Variants in ACACA observed in about 807,000 individuals in gnomAD.
ACACA encodes acetyl-CoA carboxylase alpha.
Under a neutral mutation model 296.1 loss-of-function variants are expected in ACACA, and 103 were observed. That is an observed-to-expected ratio of 0.35 (90% confidence interval 0.30 to 0.41). The LOEUF (loss-of-function observed/expected upper bound fraction) is 0.41. Ranked by LOEUF, ACACA falls within the 10% of genes least tolerant of loss-of-function variation. The probability of loss-of-function intolerance (pLI) is 1.00; values close to 1 mark genes in which losing one functional copy is unlikely to be tolerated. For missense variants in ACACA, 1,554 were observed against 2,989.7 expected (o/e 0.52, Z 11.20); for synonymous variants, 953 against 1,038.6 (o/e 0.92, Z 1.58).
At chr17:37,240,267 T>A (rs2080327233) in intron 24 of ACACA, among the ~76,000 whole-genome samples, 1 of 152,244 alleles carries the variant, frequency 6.6e-6, no homozygotes, top group Admixed American at 6.5e-5. Context: ...ATTCCTAATT[T>A]CATCAAGCTG....
chr17:37,215,005 C>T (rs915413100), intron 29 of ACACA, among the ~76,000 whole-genome samples: 2 of 152,160 alleles, frequency 1.3e-5, no homozygotes, highest in African/African-American at 2.4e-5. Context: ...TGATTTCTAA[C>T]CTTCCTTATG....
chr17:37,316,302 TACACACACACACACACAC>T (rs10533479), intron 3 of ACACA, among the ~76,000 whole-genome samples: 2 of 142,506 alleles, frequency 1.4e-5, no homozygotes, highest in African/African-American at 5.2e-5. Flanking sequence ...TACCCTTACA[TACACACACACACACACAC>T]ACACACACAC....
At chr17:37,138,761 A>AT (rs2075434924) in intron 45 of ACACA, among the ~76,000 whole-genome samples, 1 of 152,196 alleles carries the variant, frequency 6.6e-6, no homozygotes, top group Non-Finnish European at 1.5e-5. Context: ...AAATAAATAA[A>AT]CCTGCTTCAC....
chr17:37,392,061 CAG>C, intron 1 of ACACA: 1 of 254,072 alleles, frequency 3.9e-6, no homozygotes, highest in Admixed American at 4.8e-5. Context: ...AGAAACAAGG[CAG>C]CTGTTAGTGT....
At chr17:37,221,205 G>C (rs2079272244) in intron 29 of ACACA, among the ~76,000 whole-genome samples, 1 of 152,160 alleles carries the variant, frequency 6.6e-6, no homozygotes. Flanking sequence ...ATTTATTTGA[G>C]ATTAAGAAGT....
intron 54 of ACACA, among the ~76,000 whole-genome samples, chr17:37,095,418 T>C (rs549794038): frequency 4.4e-4 from 67 of 152,294 alleles, no homozygotes; most frequent in African/African-American, 1.5e-3. Flanking sequence ...AAAGAAGCTT[T>C]TCAGTCATAA....
Position 37,257,786 on chromosome 17 carries a change from A to G in ACACA, c.1743T>C (p.Ala581=), listed in dbSNP as rs1215100280. ...NKNVWGYFSV[A]AAGGLHEFAD... is the part of the protein sequence containing the mutation. ...CAAATTCATGAAGTCCCCCTGCAGCAGCAACACTGAAATATCCCCAAACAT... is the reference window on the plus strand; with the variant it reads ...CAAATTCATGAAGTCCCCCTGCAGCGGCAACACTGAAATATCCCCAAACAT... Residue 581 remains alanine (A), a synonymous_variant, in exon 14 of 56, where the codon GCT becomes GCC. Coordinates refer to ENST00000616317, the MANE Select transcript of ACACA (RefSeq NM_198834.3). 1 of 1,614,222 alleles carries G rather than the reference A, an allele frequency of 6.2e-7. No individual in the cohort carries two copies. Among genetic ancestry groups the G allele is most frequent in the East Asian group, 2.2e-5 (1 of 44,882 alleles).
intron 45 of ACACA, among the ~76,000 whole-genome samples, chr17:37,139,459 G>C (rs1192263733): frequency 6.6e-6 from 1 of 152,226 alleles, no homozygotes; most frequent in Non-Finnish European, 1.5e-5. Context: ...ACTGAGGCAA[G>C]AGGGTAATAC....
At chr17:37,351,879 C>T (rs1453762375) in intron 1 of ACACA, among the ~76,000 whole-genome samples, 2 of 151,094 alleles carry the variant, frequency 1.3e-5, no homozygotes, top group East Asian at 2.0e-4. Context: ...GATCCACCAC[C>T]CTCAATGCCT....
intron 47 of ACACA, 122 bp downstream of exon 47, chr17:37,129,243 T>C: frequency 3.6e-6 from 5 of 1,380,466 alleles, no homozygotes; most frequent in Non-Finnish European, 5.1e-6. Flanking sequence ...GTCTTTCTCA[T>C]TTCTAGGTAC....
intron 54 of ACACA, 128 bp from the exon 55 acceptor site, chr17:37,089,202 C>T: frequency 1.5e-6 from 2 of 1,354,492 alleles, no homozygotes; most frequent in Non-Finnish European, 2.1e-6. Flanking sequence ...CCTTCACTGT[C>T]AGCATCGTGC....
intron 35 of ACACA, among the ~76,000 whole-genome samples, chr17:37,196,261 G>C (rs747258117): frequency 1.1e-4 from 16 of 151,494 alleles, no homozygotes; most frequent in Admixed American, 3.9e-4. Context: ...CTAATAGTTG[G>C]TCCACTACCA....
At position 37,195,432 on chromosome 17, in the gene ACACA, C is replaced by A. The variant is rs528434966; in HGVS notation, c.4159-2017G>T. Among the ~76,000 whole-genome samples, 7 of 152,192 alleles carry A rather than the reference C, an allele frequency of 4.6e-5. No homozygotes were observed. The East Asian group carries it at 1.4e-3, about 29-fold the overall frequency. On this transcript the variant is annotated intron_variant, in intron 35 of 55. Coordinates refer to ENST00000616317, the MANE Select transcript of ACACA (RefSeq NM_198834.3). ...CAAATAATGAAGAAACTGACTAATT[C>A]TTGGCAGAGGTGGGCAATGACTACC...
intron 1 of ACACA, among the ~76,000 whole-genome samples, chr17:37,405,868 T>A (rs1257285743): frequency 6.6e-6 from 1 of 150,708 alleles, no homozygotes; most frequent in Non-Finnish European, 1.5e-5. Flanking sequence ...TTTTTTTTTT[T>A]TTTTTTTGGA....
intron 3 of ACACA, among the ~76,000 whole-genome samples, chr17:37,290,681 T>C (rs1043902290): frequency 1.3e-5 from 2 of 152,198 alleles, no homozygotes; most frequent in Admixed American, 6.5e-5. Context: ...AGTTAATTAT[T>C]CACTGTATAT....
chr17:37,123,960 T>C (rs1430382134), intron 48 of ACACA, among the ~76,000 whole-genome samples: 2 of 152,236 alleles, frequency 1.3e-5, no homozygotes, highest in African/African-American at 4.8e-5. Flanking sequence ...ATACTTCATA[T>C]AAATTTTATC....
Position 37,263,685 on chromosome 17 carries a change from C to T in ACACA, c.1329G>A (p.Gln443=). Residue 443 remains glutamine (Q), a splice_region_variant and synonymous_variant, in exon 11 of 56, where the codon CAG becomes CAA. Transcript: ENST00000616317. ...ATPAVFEHME[Q]CAVKLAKMVG... Reference sequence around the variant, plus strand: ...AAAGTAAGCCTTTTAATATATGTACCTGTTCCATGTGTTCAAATACTGCTG... The same window carrying T: ...AAAGTAAGCCTTTTAATATATGTACTTGTTCCATGTGTTCAAATACTGCTG... The T allele has an allele frequency of 1.2e-6, 2 of 1,612,672 alleles. No individual in the cohort carries two copies. The highest frequency in any genetic ancestry group is 1.7e-6 in the Non-Finnish European group (2 of 1,178,852).
chr17:37,227,438 A>G (rs1212074949), intron 25 of ACACA, among the ~76,000 whole-genome samples: 1 of 152,184 alleles, frequency 6.6e-6, no homozygotes, highest in Non-Finnish European at 1.5e-5. Flanking sequence ...TTGGCTGGGC[A>G]GGGTGGCTCA....
rs1264682307 is a variant in ACACA at position 37,144,347 on chromosome 17, C to T, written c.5679+5517G>A. The T allele has an allele frequency of 1.2e-5, 6 of 496,710 alleles. No individual in the cohort carries two copies. In the East Asian group the frequency reaches 1.6e-4, roughly 14 times the overall value. The allele number at this position is 496,710 out of a possible 1,614,324, so 30.8% of individuals were successfully genotyped here. A position where few individuals can be genotyped will look rare whatever the true frequency, so the allele number is the denominator to read the frequency against. On this transcript the variant is annotated intron_variant, in intron 45 of 55. Transcript: ENST00000616317. ...AGTCACCCAGTGCCTGTCTGGCTCT[C>T]GCTTGCCCCGGCGCTGTCTCTATCG...
Sources: gnomAD v4.1 joint callset for allele counts (sites outside exome capture counted in the v4.1 genomes callset) on GRCh38, gnomAD v4.1.1 for gene constraint, MANE v1.5 for transcripts, NCBI Gene and HGNC (gene_info 2026-07-23, HGNC 2026-07-21) for gene names.